CTNND2: variants seen among roughly 807,000 people sequenced by gnomAD.
CTNND2 encodes catenin delta-2.
In CTNND2, 22 loss-of-function variants were observed where a neutral mutation model predicts 144.4. The ratio of observed to expected loss-of-function variants is 0.15; its 90% CI spans 0.11 to 0.22. The LOEUF is 0.22. Ranked by LOEUF, CTNND2 falls within the 10% of genes least tolerant of loss-of-function variation. The pLI, the probability that CTNND2 is intolerant of heterozygous loss-of-function variation, is 1.00. For missense variants in CTNND2, 1,353 were observed against 1,618.8 expected, an observed-to-expected ratio of 0.84 and a Z score of 2.82; for synonymous variants, 751 against 695.6, an observed-to-expected ratio of 1.08 and a Z score of -1.25.
intron 1 of CTNND2, among the ~76,000 whole-genome samples, chr5:11,865,566 A>C (rs527274353): frequency 2.0e-4 from 30 of 152,306 alleles, no homozygotes; most frequent in African/African-American, 7.2e-4. Flanking sequence ...TTCACTTCTA[A>C]GTTGGATCAG....
At position 10,992,669 on chromosome 5, in the gene CTNND2, C is replaced by G; in HGVS notation, c.3093G>C (p.Trp1031Cys). Residue 1031 changes from tryptophan to cysteine, a missense_variant, in exon 19 of 22, where the codon TGG becomes TGC. Transcript: ENST00000304623. ...DLRSLYKKDG[W>C]SQYHFVASSS... is the part of the protein sequence containing the mutation. ...ACGAGGCTACAAAGTGGTATTGTGA[C>G]CATCCATCCTGCAAAACACAGCACG... 6.2e-7 allele frequency: 1 copy of G among 1,614,000 alleles called. No homozygotes were observed. Among genetic ancestry groups the G allele is most frequent in the Non-Finnish European group, 8.5e-7 (1 of 1,179,958 alleles).
chr5:11,854,752 T>C (rs1339657669), intron 1 of CTNND2, among the ~76,000 whole-genome samples: 2 of 152,256 alleles, frequency 1.3e-5, no homozygotes, highest in Non-Finnish European at 2.9e-5. Context: ...GATCTGAACC[T>C]GGATCTCGTT....
At chr5:11,777,160 C>T (rs902841841) in intron 1 of CTNND2, among the ~76,000 whole-genome samples, 4 of 152,120 alleles carry the variant, frequency 2.6e-5, no homozygotes, top group African/African-American at 7.2e-5. Flanking sequence ...AAATATATTA[C>T]CATAATCGAC....
intron 10 of CTNND2, among the ~76,000 whole-genome samples, chr5:11,213,658 C>T (rs181648832): frequency 6.6e-6 from 1 of 152,206 alleles, no homozygotes; most frequent in Admixed American, 6.5e-5. Context: ...AAGTGCAATG[C>T]AGTGCATCCC....
intron 16 of CTNND2, among the ~76,000 whole-genome samples, chr5:11,037,200 C>G (rs1363119617): frequency 6.6e-6 from 1 of 152,172 alleles, no homozygotes; most frequent in Non-Finnish European, 1.5e-5. Context: ...CCGTCACTGA[C>G]TAATTATTTA....
At chr5:11,329,135 G>T (rs760439254) in intron 9 of CTNND2, among the ~76,000 whole-genome samples, 6 of 152,028 alleles carry the variant, frequency 3.9e-5, no homozygotes, top group Non-Finnish European at 1.5e-5. Context: ...CACCCTAATG[G>T]CCTCATTTTA....
chr5:11,881,881 T>C (rs1736143330), intron 1 of CTNND2, among the ~76,000 whole-genome samples: 1 of 152,080 alleles, frequency 6.6e-6, no homozygotes, highest in Non-Finnish European at 1.5e-5. Context: ...TGTCTCCACA[T>C]TCTTGCCAGC....
chr5:11,345,357 T>C (rs1754665348), intron 9 of CTNND2, among the ~76,000 whole-genome samples: 1 of 152,216 alleles, frequency 6.6e-6, no homozygotes, highest in Non-Finnish European at 1.5e-5. Context: ...TTATACCAAA[T>C]ACAATATTTA....
intron 3 of CTNND2, among the ~76,000 whole-genome samples, chr5:11,452,903 G>C (rs1053277511): frequency 6.6e-6 from 1 of 152,178 alleles, no homozygotes; most frequent in Admixed American, 6.5e-5. Context: ...CAATTGTAGG[G>C]TGAAGAAAAA....
At chr5:11,527,443 G>A (rs1251505929) in intron 3 of CTNND2, among the ~76,000 whole-genome samples, 1 of 152,108 alleles carries the variant, frequency 6.6e-6, no homozygotes, top group Non-Finnish European at 1.5e-5. Context: ...CCTTCTGGGA[G>A]CCTGCCCTGG....
intron 10 of CTNND2, among the ~76,000 whole-genome samples, chr5:11,227,403 G>C (rs1740478296): frequency 6.6e-6 from 1 of 152,124 alleles, no homozygotes; most frequent in Non-Finnish European, 1.5e-5. Flanking sequence ...AGGCAGCCTG[G>C]CTCCAAAGCC....
intron 1 of CTNND2, among the ~76,000 whole-genome samples, chr5:11,786,526 T>C (rs1023087948): frequency 1.3e-5 from 2 of 152,176 alleles, no homozygotes; most frequent in Non-Finnish European, 2.9e-5. Flanking sequence ...ATTCAATTCT[T>C]CCCTAAAATC....
chr5:11,276,716 T>C (rs545432029), intron 9 of CTNND2, among the ~76,000 whole-genome samples: 1 of 152,286 alleles, frequency 6.6e-6, no homozygotes, highest in East Asian at 1.9e-4. Flanking sequence ...GAGGAAATCA[T>C]CCTGGATTCA....
chr5:11,015,526 C>T (rs1304895776), intron 18 of CTNND2, among the ~76,000 whole-genome samples: 1 of 152,214 alleles, frequency 6.6e-6, no homozygotes, highest in East Asian at 1.9e-4. Flanking sequence ...CCTGTCAACA[C>T]ATTCTTTTTT....
At chr5:11,453,058 T>C (rs1033733947) in intron 3 of CTNND2, among the ~76,000 whole-genome samples, 4 of 152,186 alleles carry the variant, frequency 2.6e-5, no homozygotes, top group Non-Finnish European at 5.9e-5. Flanking sequence ...ATCATCTCCA[T>C]GTCACACTTC....
intron 8 of CTNND2, among the ~76,000 whole-genome samples, chr5:11,355,357 A>G (rs1755754149): frequency 6.6e-6 from 1 of 152,190 alleles, no homozygotes; most frequent in South Asian, 2.1e-4. Flanking sequence ...ATTATTTAAT[A>G]CATGTAAATA....
chr5:11,506,473 T>C (rs965290241), intron 3 of CTNND2, among the ~76,000 whole-genome samples: 1 of 152,212 alleles, frequency 6.6e-6, no homozygotes, highest in Non-Finnish European at 1.5e-5. Flanking sequence ...TGAACAAGTC[T>C]GGAGAGGACA....
intron 3 of CTNND2, among the ~76,000 whole-genome samples, chr5:11,552,818 A>G (rs772801460): frequency 3.3e-5 from 5 of 152,238 alleles, no homozygotes; most frequent in Non-Finnish European, 7.3e-5. Context: ...AAGCACATCA[A>G]ATGCTCATTG....
intron 1 of CTNND2, among the ~76,000 whole-genome samples, chr5:11,890,260 T>C (rs1043397980): frequency 3.9e-5 from 6 of 152,142 alleles, no homozygotes; most frequent in African/African-American, 1.4e-4. Context: ...GAACCAAAAG[T>C]ATAGTCTCAT....
Sources: allele counts gnomAD v4.1 joint callset (sites outside exome capture counted in the v4.1 genomes callset), GRCh38; gene constraint gnomAD v4.1.1; transcripts MANE v1.5; gene names NCBI Gene and HGNC (gene_info 2026-07-23, HGNC 2026-07-21).